Variants in LRP8 observed in about 807,000 individuals in gnomAD.
LRP8 encodes LDL receptor related protein 8.
A neutral mutation model predicts 111.6 loss-of-function variants in LRP8; 46 were observed. The ratio of observed to expected loss-of-function variants is 0.41; its 90% CI spans 0.33 to 0.53. The LOEUF is 0.53. Among genes scored for constraint, LRP8 ranks in the 20% least tolerant of loss-of-function variants. The pLI is 0.20. For synonymous variants in LRP8, 464 were observed against 511.2 expected (o/e 0.91, Z 1.24); for missense variants, 959 against 1,297.4 (o/e 0.74, Z 4.01).
chr1:53,280,955 C>T (rs1161438158), intron 3 of LRP8, among the ~76,000 whole-genome samples: 1 of 152,196 alleles, frequency 6.6e-6, no homozygotes, highest in Non-Finnish European at 1.5e-5. Context: ...GGTCCCTGGC[C>T]CTCAAGTCCC....
chr1:53,286,751 C>T (rs373960393), intron 3 of LRP8, among the ~76,000 whole-genome samples: 10 of 152,350 alleles, frequency 6.6e-5, no homozygotes, highest in African/African-American at 2.2e-4. Context: ...ATCCCTTTCC[C>T]GCTCAATGCA....
chr1:53,284,819 G>C (rs927600560), intron 3 of LRP8, among the ~76,000 whole-genome samples: 2 of 152,174 alleles, frequency 1.3e-5, no homozygotes, highest in Non-Finnish European at 2.9e-5. Flanking sequence ...TGGAATGCCA[G>C]GACTTGAGAG....
At position 53,327,073 on chromosome 1, in the gene LRP8, C is replaced by A. The variant is rs527452324; in HGVS notation, c.125-81G>T. Reference sequence around the variant, plus strand: ...ATGCAGTCCGGGCCACCCGGAAGGACCCGCTGGGGAGGAGGAAAGGGGGCG... The same window carrying A: ...ATGCAGTCCGGGCCACCCGGAAGGAACCGCTGGGGAGGAGGAAAGGGGGCG... On this transcript the variant is annotated intron_variant, in intron 1 of 18. Coordinates refer to ENST00000306052, the MANE Select transcript of LRP8 (RefSeq NM_004631.5). 56 of 1,559,316 alleles carry A rather than the reference C, an allele frequency of 3.6e-5. 1 individual carries two copies. The African/African-American group carries it at 7.5e-4, about 21-fold the overall frequency.
chr1:53,250,575 G>A lies in LRP8; in HGVS notation c.2676+115C>T, dbSNP rs541355045. The A allele has an allele frequency of 1.5e-5, 13 of 852,286 alleles. No individual in the cohort carries two copies. Among genetic ancestry groups the A allele is most frequent in the African/African-American group, 8.4e-5 (5 of 59,436 alleles). The allele number at this position is 852,286 out of a possible 1,614,324, so 52.8% of individuals were successfully genotyped here. The stretch of plus-strand genomic sequence containing the variant: ...GGAAGGAAAGGAGGGAGGGAAGGAC[G>A]GAAGGAAGGAAGGGAGGGAAGAAAG... On this transcript the variant is annotated intron_variant, in intron 17 of 18. Coordinates refer to ENST00000306052, the MANE Select transcript of LRP8 (RefSeq NM_004631.5). The surrounding 1 kb of genome is among the most constrained non-coding windows in gnomAD (Gnocchi z 4.6).
Position 53,250,527 on chromosome 1 carries a change from AAGAC to A in LRP8, c.2676+159_2676+162del, listed in dbSNP as rs576925254. 4.4e-3 allele frequency among the ~76,000 whole-genome samples: 665 copies of A among 151,650 alleles called. 2 individuals are homozygous for A. Among genetic ancestry groups the A allele is most frequent in the African/African-American group, 0.015 (632 of 41,308 alleles). ...AAAGGAAGGAAAGAAGGAAAGAAAAAAGACAGGGAGGGAGGGAAGGACGGAAGGA... is the reference window on the plus strand; with the variant it reads ...AAAGGAAGGAAAGAAGGAAAGAAAAAAGGGAGGGAGGGAAGGACGGAAGGA... On this transcript the variant is annotated intron_variant, in intron 17 of 18. Coordinates refer to ENST00000306052, the MANE Select transcript of LRP8 (RefSeq NM_004631.5). This position sits in a 1 kb window ranked among gnomAD's most constrained non-coding sequence, Gnocchi z 4.6.
At position 53,258,325 on chromosome 1, in the gene LRP8, A is replaced by G. The variant is rs1646184402; in HGVS notation, c.2203T>C (p.Tyr735His). ...MWLGPDMKRC[Y>H]RAPQSTSTTT... ...TCCTGGAAGGTCTGCTTACCTCGGT[A>G]GCACCTCTTCATGTCTGGACCCAGC... is the stretch of plus-strand genomic sequence containing the variant. Residue 735 changes from tyrosine (Y) to histidine (H), a missense_variant, in exon 14 of 19, where the codon TAC becomes CAC. By Grantham distance (83) the Tyr-to-His change is moderately conservative (BLOSUM62 2). Transcript: ENST00000306052. 6.2e-7 allele frequency: 1 copy of G among 1,613,826 alleles called. No individual in the cohort carries two copies. The highest frequency in any genetic ancestry group is 8.5e-7 in the Non-Finnish European group (1 of 1,179,848).
chr1:53,272,747 C>T (rs41294758), intron 6 of LRP8: 121,585 of 978,582 alleles, frequency 0.12, 8,806 homozygotes, highest in African/African-American at 0.28. Context: ...GGCTGAGCCA[C>T]GGCAGCTCCC....
intron 2 of LRP8, 112 bp from the exon 3 acceptor site, chr1:53,289,801 G>A (rs1230324341): frequency 2.1e-6 from 3 of 1,405,332 alleles, no homozygotes; most frequent in East Asian, 4.8e-5. Flanking sequence ...TGCTGACCAA[G>A]GGCAGAGGAC....
At chr1:53,308,440 A>G (rs906279590) in intron 2 of LRP8, among the ~76,000 whole-genome samples, 1 of 152,316 alleles carries the variant, frequency 6.6e-6, no homozygotes, top group Middle Eastern at 3.4e-3. Flanking sequence ...CTGGCCCTCC[A>G]GGTCTCTCCT....
chr1:53,251,865 G>A (rs548836778), intron 16 of LRP8, among the ~76,000 whole-genome samples: 103 of 151,698 alleles, frequency 6.8e-4, no homozygotes, highest in African/African-American at 2.3e-3. Context: ...CCAACATGGC[G>A]AAAACCCATC....
intron 3 of LRP8, among the ~76,000 whole-genome samples, chr1:53,284,401 G>A (rs746087661): frequency 2.0e-5 from 3 of 152,176 alleles, no homozygotes; most frequent in African/African-American, 4.8e-5. Flanking sequence ...GAGAGACCAA[G>A]TAACTAGCCC....
chr1:53,325,599 A>G (rs1313380336), intron 2 of LRP8, among the ~76,000 whole-genome samples: 1 of 152,260 alleles, frequency 6.6e-6, no homozygotes, highest in Non-Finnish European at 1.5e-5. Flanking sequence ...TCTGCCACGC[A>G]CAAGACACAA....
At chr1:53,278,991 C>T (rs1647021176) in intron 4 of LRP8, among the ~76,000 whole-genome samples, 1 of 150,484 alleles carries the variant, frequency 6.6e-6, no homozygotes, top group African/African-American at 2.5e-5. Flanking sequence ...AATCTCCTGA[C>T]CTCGTGATCC....
In LRP8 at chr1:53,286,904, C is replaced by T. The variant is rs77586388; in HGVS notation, c.367+2663G>A. On this transcript the variant is annotated intron_variant, in intron 3 of 18. Coordinates refer to ENST00000306052, the MANE Select transcript of LRP8 (RefSeq NM_004631.5). ...CCATTTACTCCAGCGATGATACTTG[C>T]ATTCTTTCATTTGATTCTCACAATC... Among the ~76,000 whole-genome samples the T allele has an allele frequency of 4.9e-3, 752 of 152,388 alleles. 4 individuals are homozygous for T. Among genetic ancestry groups the T allele is most frequent in the Non-Finnish European group, 8.4e-3 (572 of 68,034 alleles).
At chr1:53,284,796 G>C (rs547364338) in intron 3 of LRP8, among the ~76,000 whole-genome samples, 1 of 152,294 alleles carries the variant, frequency 6.6e-6, no homozygotes, top group Admixed American at 6.5e-5. Flanking sequence ...CACCCTCAAA[G>C]AGCCAAGGCT....
chr1:53,255,292 A>C, intron 15 of LRP8, 107 bp from the exon 16 acceptor site: 1 of 905,396 alleles, frequency 1.1e-6, no homozygotes, highest in Non-Finnish European at 1.8e-6. Flanking sequence ...CCTCATTCTA[A>C]AATGATGATC....
chr1:53,313,100 CAG>C (rs974428553), intron 2 of LRP8, among the ~76,000 whole-genome samples: 35 of 152,294 alleles, frequency 2.3e-4, no homozygotes, highest in African/African-American at 7.9e-4. Context: ...CCCAAGGTAA[CAG>C]GGAAGGGTCT....
At chr1:53,278,212 T>C (rs1646988942) in intron 4 of LRP8, among the ~76,000 whole-genome samples, 1 of 152,066 alleles carries the variant, frequency 6.6e-6, no homozygotes, top group African/African-American at 2.4e-5. Flanking sequence ...ACTCCTCCTC[T>C]TGGCTTTTCT....
intron 2 of LRP8, among the ~76,000 whole-genome samples, chr1:53,296,366 G>T (rs566344690): frequency 2.9e-4 from 44 of 152,316 alleles, no homozygotes; most frequent in South Asian, 1.4e-3. Context: ...AACTTGGAGA[G>T]CTGGGTGCAC....
Sources: gnomAD v4.1 joint callset for allele counts (sites outside exome capture counted in the v4.1 genomes callset) on GRCh38, gnomAD v4.1.1 for gene constraint, Gnocchi (gnomAD v3.1) non-coding constraint, MANE v1.5 for transcripts, NCBI Gene and HGNC (gene_info 2026-07-23, HGNC 2026-07-21) for gene names.